MCC: variants seen among roughly 807,000 people sequenced by gnomAD.
MCC encodes the protein MCC regulator of Wnt signaling pathway, also known as colorectal mutant cancer protein.
MCC carries 90 observed loss-of-function variants against 116.2 expected under a neutral mutation model. That is an observed-to-expected ratio of 0.77 (90% CI 0.65 to 0.92). MCC has a LOEUF of 0.92. Ranked by LOEUF, MCC falls within the 40% of genes least tolerant of loss-of-function variation. The probability of loss-of-function intolerance (pLI) is 0.00; values close to 1 mark genes in which losing one functional copy is unlikely to be tolerated. For synonymous variants in MCC, 578 were observed against 510.5 expected (o/e 1.13, Z -1.78); for missense variants, 1,516 against 1,312.2 (o/e 1.16, Z -2.40).
At chr5:113,094,423 C>CT (rs397798890) in intron 8 of MCC, among the ~76,000 whole-genome samples, 8,129 of 134,716 alleles carry the variant, frequency 0.06, 279 homozygotes, top group East Asian at 0.11. Context: ...GGCAATCTTC[C>CT]TTTTTTTTTT....
chr5:113,467,998 T>A (rs1343323795), intron 1 of MCC, among the ~76,000 whole-genome samples: 2 of 152,198 alleles, frequency 1.3e-5, no homozygotes, highest in African/African-American at 4.8e-5. Context: ...TATTGGTGTA[T>A]AGGAATGCTT....
chr5:113,082,428 C>G (rs1483855931), intron 11 of MCC, among the ~76,000 whole-genome samples: 1 of 152,224 alleles, frequency 6.6e-6, no homozygotes, highest in Non-Finnish European at 1.5e-5. Context: ...CATTCCAGAA[C>G]TCCCTTCTGT....
At chr5:113,148,693 T>C (rs1269339787) in intron 4 of MCC, among the ~76,000 whole-genome samples, 1 of 152,222 alleles carries the variant, frequency 6.6e-6, no homozygotes, top group East Asian at 1.9e-4. Flanking sequence ...TTTTCTTGCA[T>C]AAATTTCATG....
intron 3 of MCC, among the ~76,000 whole-genome samples, chr5:113,315,537 A>G (rs1056704948): frequency 3.3e-5 from 5 of 152,048 alleles, no homozygotes; most frequent in African/African-American, 9.7e-5. Flanking sequence ...GCAGCATCCA[A>G]AAAGGTCAAA....
rs1209705679 is a variant in MCC, at chr5:113,026,977, C to A, written c.*325G>T. 1.0e-5 allele frequency: 3 copies of A among 287,666 alleles called. No homozygotes were observed. The highest frequency in any genetic ancestry group is 2.2e-5 in the African/African-American group (1 of 45,990). The allele number at this position is 287,666 out of a possible 1,614,324, so 17.8% of individuals were successfully genotyped here. A position where few individuals can be genotyped will look rare whatever the true frequency, so the allele number is the denominator to read the frequency against. ...ACAGAAACAAATGTCTGGGATCCCA[C>A]TGATGCACAGCCGCCAGACCAGAAG... On this transcript the variant is annotated 3_prime_UTR_variant, in exon 19 of 19. Transcript: ENST00000408903.
At chr5:113,307,330 C>T (rs1434837914) in intron 3 of MCC, among the ~76,000 whole-genome samples, 1 of 152,116 alleles carries the variant, frequency 6.6e-6, no homozygotes, top group African/African-American at 2.4e-5. Flanking sequence ...TTTTCAATGG[C>T]ATTTTGTAGT....
intron 1 of MCC, among the ~76,000 whole-genome samples, chr5:113,471,936 C>T (rs1772103877): frequency 6.6e-6 from 1 of 152,122 alleles, no homozygotes; most frequent in Non-Finnish European, 1.5e-5. Flanking sequence ...ATGAGTGAGA[C>T]TCCGTGGGCG....
intron 3 of MCC, among the ~76,000 whole-genome samples, chr5:113,210,561 A>T (rs1182051324): frequency 1.3e-5 from 2 of 152,190 alleles, no homozygotes; most frequent in African/African-American, 4.8e-5. Flanking sequence ...GTGTGATGAG[A>T]AATCTAGGTC....
chr5:113,240,416 G>T (rs1290055369), intron 3 of MCC, among the ~76,000 whole-genome samples: 2 of 152,212 alleles, frequency 1.3e-5, no homozygotes. Context: ...GAACTAACCT[G>T]CTTATGATAG....
At chr5:113,133,628 T>C (rs988379849) in intron 5 of MCC, among the ~76,000 whole-genome samples, 15 of 152,204 alleles carry the variant, frequency 9.9e-5, no homozygotes, top group African/African-American at 3.1e-4. Flanking sequence ...GTCTTTTCTT[T>C]TGGATATATA....
In MCC at chr5:113,433,222, C is replaced by T. The variant is rs1195622259; in HGVS notation, c.171-48010G>A. ...AGTGCCCGCGAGCCCGTGGCCCAGC[C>T]GAAGCTCTTTCCCGCCGCCTCTCCG... On this transcript the variant is annotated intron_variant, in intron 1 of 18. Transcript: ENST00000408903. 10 of 182,254 alleles carry T rather than the reference C, an allele frequency of 5.5e-5. No individual in the cohort carries two copies. In the South Asian group the frequency reaches 9.2e-4, roughly 17 times the overall value. 11.3% of individuals were successfully genotyped at this position (182,254 alleles called of 1,614,324 possible). A position where few individuals can be genotyped will look rare whatever the true frequency, so the allele number is the denominator to read the frequency against.
At chr5:113,192,505 G>A (rs184475092) in intron 3 of MCC, among the ~76,000 whole-genome samples, 12 of 152,306 alleles carry the variant, frequency 7.9e-5, no homozygotes, top group African/African-American at 1.4e-4. Context: ...ATATGTCTTC[G>A]TGTGTACTTG....
chr5:113,307,359 G>C (rs1300306604), intron 3 of MCC, among the ~76,000 whole-genome samples: 1 of 151,956 alleles, frequency 6.6e-6, no homozygotes, highest in African/African-American at 2.4e-5. Flanking sequence ...TATAAATCTT[G>C]TACTTCTCTT....
rs1759198401 is a variant in MCC, at chr5:113,141,851, T to C, written c.884+1367A>G. On this transcript the variant is annotated intron_variant, in intron 5 of 18. Transcript: ENST00000408903. ...TGTATTTTTTCATATTTTGTATTTT[T>C]CACAACTTACTGAGCCCATTTGCTT... Among the ~76,000 whole-genome samples the C allele has an allele frequency of 2.0e-5, 3 of 152,342 alleles. No homozygotes were observed. In the South Asian group the frequency reaches 6.2e-4, roughly 32 times the overall value.
At chr5:113,237,653 G>A (rs750113140) in intron 3 of MCC, among the ~76,000 whole-genome samples, 15 of 152,174 alleles carry the variant, frequency 9.9e-5, no homozygotes, top group Non-Finnish European at 2.1e-4. Context: ...GAAATCACAA[G>A]CACACACATG....
rs1315571141 is a variant in MCC, at chr5:113,280,042, C to G, written c.627+60477G>C. Among the ~76,000 whole-genome samples, 4 of 152,220 alleles carry G rather than the reference C, an allele frequency of 2.6e-5. No individual in the cohort carries two copies. In the East Asian group the frequency reaches 7.7e-4, roughly 29 times the overall value. On this transcript the variant is annotated intron_variant, in intron 3 of 18. Transcript: ENST00000408903. The stretch of plus-strand genomic sequence containing the variant: ...GCTCCTGGAGCTACTCCCATCATCC[C>G]AGGACTACAACTTGCTTCCATTCGG...
At chr5:113,109,915 A>G (rs564108186) in intron 6 of MCC, among the ~76,000 whole-genome samples, 1 of 152,180 alleles carries the variant, frequency 6.6e-6, no homozygotes, top group Admixed American at 6.5e-5. Context: ...AACTCCATGA[A>G]GGGCAGCTGA....
intron 3 of MCC, among the ~76,000 whole-genome samples, chr5:113,214,738 G>A (rs1763248832): frequency 6.6e-6 from 1 of 152,150 alleles, no homozygotes; most frequent in African/African-American, 2.4e-5. Flanking sequence ...CACCCTCCAA[G>A]CCATTTTCCA....
At chr5:113,045,091 T>C (rs1409584818) in intron 16 of MCC, among the ~76,000 whole-genome samples, 3 of 152,218 alleles carry the variant, frequency 2.0e-5, no homozygotes, top group African/African-American at 7.2e-5. Flanking sequence ...TTGGAATCTG[T>C]TGAGATTCCC....
Sources: allele counts gnomAD v4.1 joint callset (sites outside exome capture counted in the v4.1 genomes callset), GRCh38; gene constraint gnomAD v4.1.1; transcripts MANE v1.5; gene names NCBI Gene and HGNC (gene_info 2026-07-23, HGNC 2026-07-21).